Variants in IQCE observed in about 807,000 individuals in gnomAD.
IQCE encodes IQ motif containing E.
In IQCE, 115 loss-of-function variants were observed where a neutral mutation model predicts 96.0. The ratio of observed to expected loss-of-function variants is 1.20; its 90% CI spans 1.03 to 1.40. The LOEUF (loss-of-function observed/expected upper bound fraction) is 1.40. Among genes scored for constraint, IQCE ranks in the 40% most tolerant of loss-of-function variants. The pLI is 0.00. For synonymous variants in IQCE, 412 were observed against 371.2 expected, an observed-to-expected ratio of 1.11 and a Z score of -1.26; for missense variants, 1,041 against 909.1, an observed-to-expected ratio of 1.15 and a Z score of -1.87.
chr7:2,571,712 C>T (rs1781769400), intron 4 of IQCE, 58 bp downstream of exon 4: 2 of 1,547,454 alleles, frequency 1.3e-6, no homozygotes, highest in East Asian at 2.3e-5. Flanking sequence ...CGAGAAATTT[C>T]AGGGAGTGGT....
rs147104604 is a variant in IQCE, at chr7:2,603,116, A to G, written c.1632+1652A>G. ...CACATCTGCAATGGCAACTTCCAACATCCCCGTCTCTGACAGTCCCTCCCA... is the reference window on the plus strand; with the variant it reads ...CACATCTGCAATGGCAACTTCCAACGTCCCCGTCTCTGACAGTCCCTCCCA... On this transcript the variant is annotated intron_variant, in intron 18 of 21. Transcript: ENST00000402050. Among the ~76,000 whole-genome samples the G allele has an allele frequency of 4.2e-3, 633 of 152,062 alleles. 1 individual carries two copies. Among genetic ancestry groups the G allele is most frequent in the Admixed American group, 7.3e-3 (111 of 15,274 alleles).
chr7:2,559,903 A>T (rs1433388603), intron 1 of IQCE, among the ~76,000 whole-genome samples: 1 of 152,124 alleles, frequency 6.6e-6, no homozygotes. Flanking sequence ...GTCCCCCGGT[A>T]GTCCCTGCAC....
At chr7:2,559,671 TC>T (rs371735811) in intron 1 of IQCE, among the ~76,000 whole-genome samples, 1 of 148,300 alleles carries the variant, frequency 6.7e-6, no homozygotes, top group African/African-American at 2.5e-5. Context: ...CCCGATGTAC[TC>T]CCCAGGGCGA....
intron 5 of IQCE, chr7:2,572,909 A>C: frequency 2.8e-6 from 1 of 355,098 alleles, no homozygotes; most frequent in Non-Finnish European, 5.5e-6. Flanking sequence ...GGGTGTATTG[A>C]AAACCTCCTC....
chr7:2,586,371 G>A lies in IQCE; in HGVS notation c.988G>A (p.Gly330Ser), dbSNP rs780649606. The part of the protein sequence containing the change: ...STSPTISKTQ[G>S]YVEWSKPRLL... Reference sequence around the variant, plus strand: ...CTCCCCAACCATCTCCAAGACACAGGGTACCTTCCTGAAAGCCACTCCAGG... The same window carrying A: ...CTCCCCAACCATCTCCAAGACACAGAGTACCTTCCTGAAAGCCACTCCAGG... The change falls in exon 12 of 22, where the codon GGT (glycine) becomes AGT (serine). Residue 330 changes from glycine to serine, a missense_variant and splice_region_variant. Physicochemically the swap from Gly to Ser is moderately conservative, Grantham distance 56. Transcript: ENST00000402050. 8.1e-6 allele frequency: 13 copies of A among 1,609,720 alleles called. No homozygotes were observed. The highest frequency in any genetic ancestry group is 1.1e-5 in the Non-Finnish European group (13 of 1,178,896).
intron 1 of IQCE, among the ~76,000 whole-genome samples, chr7:2,561,065 C>T (rs1324709263): frequency 2.9e-5 from 3 of 102,098 alleles, no homozygotes; most frequent in African/African-American, 5.5e-5. Context: ...TCAAAGGATT[C>T]TCCTGCCTCA....
intron 15 of IQCE, among the ~76,000 whole-genome samples, chr7:2,593,410 A>G (rs1270779158): frequency 1.3e-5 from 2 of 152,250 alleles, no homozygotes; most frequent in Non-Finnish European, 2.9e-5. Flanking sequence ...GCCTCTGGTC[A>G]GAACCACCCA....
chr7:2,582,598 C>G lies in IQCE; in HGVS notation c.649C>G (p.Gln217Glu). Residue 217 changes from glutamine (Q) to glutamate (E), a missense_variant, in exon 9 of 22, where the codon CAG (glutamine) becomes GAG (glutamate). Transcript: ENST00000402050. ...DASWVINGLK[Q>E]RILKLEQQCK... ...CGGGCAGGTCATTAACGGGCTGAAGCAGAGGATCCTGAAGCTGGAACAGCA... is the reference window on the plus strand; with the variant it reads ...CGGGCAGGTCATTAACGGGCTGAAGGAGAGGATCCTGAAGCTGGAACAGCA... 1 of 1,614,056 alleles carries G rather than the reference C, an allele frequency of 6.2e-7. No homozygotes were observed. Among genetic ancestry groups the G allele is most frequent in the South Asian group, 1.1e-5 (1 of 91,072 alleles).
intron 1 of IQCE, among the ~76,000 whole-genome samples, chr7:2,559,700 G>A (rs960489377): frequency 7.6e-6 from 1 of 131,414 alleles, no homozygotes; most frequent in African/African-American, 2.8e-5. Context: ...TGAGCCTTAG[G>A]TTAGTTACTT....
intron 1 of IQCE, among the ~76,000 whole-genome samples, chr7:2,560,205 T>C (rs935340786): frequency 9.9e-5 from 15 of 151,748 alleles, no homozygotes; most frequent in African/African-American, 3.6e-4. Flanking sequence ...ACTGTGATCA[T>C]ATCACGGCCC....
intron 3 of IQCE, among the ~76,000 whole-genome samples, chr7:2,571,009 T>C (rs1234119881): frequency 2.0e-5 from 3 of 151,664 alleles, no homozygotes; most frequent in Non-Finnish European, 4.4e-5. Flanking sequence ...ATATTTCCCA[T>C]TATATTCTTC....
rs991568697 is a variant in IQCE, at chr7:2,572,232, G to A, written c.300G>A (p.Glu100=). 9.3e-6 allele frequency: 15 copies of A among 1,614,018 alleles called. No individual in the cohort carries two copies. Among genetic ancestry groups the A allele is most frequent in the Non-Finnish European group, 1.1e-5 (13 of 1,179,984 alleles). The change falls in exon 5 of 22, where the codon GAG becomes GAA. Residue 100 remains glutamate, a synonymous_variant. Transcript: ENST00000402050. ...CCCTGAACTCACCCCTCACCTGGGA[G>A]CATGCGTGGACTGGCGTCCCCGGCG... ...TQALNSPLTW[E]HAWTGVPGGT...
intron 19 of IQCE, among the ~76,000 whole-genome samples, chr7:2,605,569 G>A (rs1470057206): frequency 2.6e-5 from 4 of 152,030 alleles, no homozygotes; most frequent in African/African-American, 4.8e-5. Flanking sequence ...ACAGTGAGTC[G>A]AGATCACGCC....
At position 2,584,102 on chromosome 7, in the gene IQCE, A is replaced by G. The variant is rs1197952497; in HGVS notation, c.775-134A>G. 44 of 807,986 alleles carry G rather than the reference A, an allele frequency of 5.4e-5. No individual in the cohort carries two copies. In the East Asian group the frequency reaches 1.1e-3, roughly 20 times the overall value. The allele number at this position is 807,986 out of a possible 1,614,324, so 50.1% of individuals were successfully genotyped here. On this transcript the variant is annotated intron_variant, in intron 10 of 21. Transcript: ENST00000402050. ...GCCTGCTCCTGCTTCAGCCCAACGG[A>G]AAGATGAAGTGCGGCCACTTAGTTC...
At position 2,597,826 on chromosome 7, in the gene IQCE, C is replaced by T. The variant is rs1376291902; in HGVS notation, c.1441-639C>T. 3.3e-5 allele frequency among the ~76,000 whole-genome samples: 5 copies of T among 152,068 alleles called. No homozygotes were observed. The East Asian group carries it at 9.6e-4, about 29-fold the overall frequency. On this transcript the variant is annotated intron_variant, in intron 16 of 21. Coordinates refer to ENST00000402050, the MANE Select transcript of IQCE (RefSeq NM_152558.5). ...AGACCACAGTGGTGTGCCACCACACCCGGGTATTTTTTAAATTTTTTCATA... is the reference window on the plus strand; with the variant it reads ...AGACCACAGTGGTGTGCCACCACACTCGGGTATTTTTTAAATTTTTTCATA...
At chr7:2,598,834 C>T (rs906536831) in intron 17 of IQCE, 8 of 410,438 alleles carry the variant, frequency 1.9e-5, no homozygotes, top group South Asian at 2.1e-4. Context: ...GTGGATAACT[C>T]GCCAGATTTC....
Position 2,598,905 on chromosome 7 carries a change from G to A in IQCE, c.1608+273G>A, listed in dbSNP as rs553023792. 1.2e-4 allele frequency among the ~76,000 whole-genome samples: 18 copies of A among 152,274 alleles called. 1 individual carries two copies. In the South Asian group the frequency reaches 3.7e-3, roughly 32 times the overall value. On this transcript the variant is annotated intron_variant, in intron 17 of 21. Transcript: ENST00000402050. ...TAAGTTTTAGACGTTATGAAACATC[G>A]GCATGTATCTTCTAAGAAAAAGTGT... is the stretch of plus-strand genomic sequence containing the variant.
At chr7:2,590,452 A>C (rs1178927782) in intron 14 of IQCE, among the ~76,000 whole-genome samples, 1 of 152,222 alleles carries the variant, frequency 6.6e-6, no homozygotes. Context: ...TGGTGGTAAA[A>C]TAAAGGCAGC....
intron 16 of IQCE, chr7:2,598,096 A>G (rs1205708528): frequency 2.6e-5 from 5 of 189,142 alleles, no homozygotes; most frequent in Non-Finnish European, 5.4e-5. Flanking sequence ...ACTAGAAAAC[A>G]GAAAAGGACC....
Sources: allele counts gnomAD v4.1 joint callset (sites outside exome capture counted in the v4.1 genomes callset), GRCh38; gene constraint gnomAD v4.1.1; transcripts MANE v1.5; gene names NCBI Gene and HGNC (gene_info 2026-07-23, HGNC 2026-07-21).